The following FSTL4 variants were observed in gnomAD, a reference collection of about 807,000 sequenced individuals.
FSTL4 encodes the protein follistatin-related protein 4.
A neutral mutation model predicts 78.2 loss-of-function variants in FSTL4; 28 were observed. That is an observed-to-expected ratio of 0.36 (90% CI 0.27 to 0.49). The LOEUF is 0.49. Among genes scored for constraint, FSTL4 ranks in the 20% least tolerant of loss-of-function variants. FSTL4 has a pLI of 0.98. For missense variants in FSTL4, 922 were observed against 1,084.9 expected, an observed-to-expected ratio of 0.85 and a Z score of 2.11; for synonymous variants, 422 against 440.5, an observed-to-expected ratio of 0.96 and a Z score of 0.53.
At chr5:133,237,853 CTT>C (rs11355354) in intron 7 of FSTL4, among the ~76,000 whole-genome samples, 193 of 142,230 alleles carry the variant, frequency 1.4e-3, no homozygotes, top group Admixed American at 1.5e-3. Context: ...TTATGGATGG[CTT>C]TTTTTTTTTT....
chr5:133,551,188 C>T (rs1298353896), intron 3 of FSTL4, among the ~76,000 whole-genome samples: 3 of 152,156 alleles, frequency 2.0e-5, no homozygotes, highest in Non-Finnish European at 4.4e-5. Context: ...CCAACAATAC[C>T]ACCAGCTTTG....
intron 3 of FSTL4, among the ~76,000 whole-genome samples, chr5:133,406,143 C>A (rs748036997): frequency 6.6e-6 from 1 of 152,188 alleles, no homozygotes; most frequent in African/African-American, 2.4e-5. Flanking sequence ...GTCAGGGAAG[C>A]CTCTTTGAGG....
chr5:133,658,548 A>G, the FSTL4 span, among the ~76,000 whole-genome samples: 1 of 152,078 alleles, frequency 6.6e-6, no homozygotes, highest in Admixed American at 6.5e-5. Flanking sequence ...TAGTGTCACC[A>G]CAGGCTTATC....
chr5:133,731,722 G>C, the FSTL4 span, among the ~76,000 whole-genome samples: 1 of 152,142 alleles, frequency 6.6e-6, no homozygotes, highest in African/African-American at 2.4e-5. Context: ...CTGCCGGCCG[G>C]CAGTGGGATG....
intron 6 of FSTL4, among the ~76,000 whole-genome samples, chr5:133,265,700 A>G (rs377180521): frequency 1.6e-4 from 24 of 152,276 alleles, no homozygotes; most frequent in Middle Eastern, 6.8e-3. Context: ...CCCTCCCACT[A>G]GGGACCCACA....
the FSTL4 span, among the ~76,000 whole-genome samples, chr5:133,734,382 C>T: frequency 1.3e-5 from 2 of 152,052 alleles, no homozygotes; most frequent in Non-Finnish European, 2.9e-5. Context: ...GAAAAATGCC[C>T]ACATTTTTAC....
chr5:133,567,808 C>T (rs1760060814), intron 2 of FSTL4, among the ~76,000 whole-genome samples: 1 of 152,198 alleles, frequency 6.6e-6, no homozygotes, highest in African/African-American at 2.4e-5. Flanking sequence ...TCAATCCTAT[C>T]TTTATTGATG....
chr5:133,834,030 A>AAATGAAC, the FSTL4 span, among the ~76,000 whole-genome samples: 1 of 152,234 alleles, frequency 6.6e-6, no homozygotes, highest in African/African-American at 2.4e-5. Flanking sequence ...GAAGAAACAC[A>AAATGAAC]AATGAACAAT....
intron 4 of FSTL4, among the ~76,000 whole-genome samples, chr5:133,359,355 GAT>G (rs1252980511): frequency 6.6e-6 from 1 of 152,218 alleles, no homozygotes; most frequent in African/African-American, 2.4e-5. Flanking sequence ...AATTCCTGTG[GAT>G]ATGTGAAGAC....
intron 6 of FSTL4, among the ~76,000 whole-genome samples, chr5:133,299,251 C>T (rs1010704807): frequency 3.3e-5 from 5 of 152,198 alleles, no homozygotes; most frequent in Non-Finnish European, 7.3e-5. Context: ...GGGAGGTGCA[C>T]ACATGAGTGT....
At chr5:133,348,213 T>G (rs1174018750) in intron 4 of FSTL4, among the ~76,000 whole-genome samples, 8 of 152,216 alleles carry the variant, frequency 5.3e-5, no homozygotes, top group Non-Finnish European at 1.2e-4. Flanking sequence ...AGGCTTTTGA[T>G]TTGCAGAAAA....
chr5:133,296,680 C>G (rs1337280961), intron 6 of FSTL4, among the ~76,000 whole-genome samples: 1 of 152,166 alleles, frequency 6.6e-6, no homozygotes, highest in East Asian at 1.9e-4. Flanking sequence ...TTGCCCACCC[C>G]TGCCCTGCCC....
At chr5:133,371,081 A>T (rs1023223472) in intron 4 of FSTL4, among the ~76,000 whole-genome samples, 6 of 152,178 alleles carry the variant, frequency 3.9e-5, no homozygotes, top group African/African-American at 1.4e-4. Context: ...GTTCTGGGCA[A>T]TGCTGGCAAG....
chr5:133,748,584 C>A, the FSTL4 span, among the ~76,000 whole-genome samples: 4 of 152,112 alleles, frequency 2.6e-5, no homozygotes. Context: ...CACACACACA[C>A]AAAATAAGAC....
intron 11 of FSTL4, among the ~76,000 whole-genome samples, chr5:133,221,899 T>TTTTTTGG (rs1561626684): frequency 1.1e-5 from 1 of 90,108 alleles, no homozygotes; most frequent in Admixed American, 9.8e-5. Context: ...TAGTTTTTTT[T>TTTTTTGG]TTTTTTTTTT....
In FSTL4 at chr5:133,354,623, G is replaced by A. The variant is rs531997184; in HGVS notation, c.410-37971C>T. Among the ~76,000 whole-genome samples, 189 of 152,314 alleles carry A rather than the reference G, an allele frequency of 1.2e-3. 2 individuals carry two copies. Among genetic ancestry groups the A allele is most frequent in the African/African-American group, 4.2e-3 (175 of 41,568 alleles). ...CAGAGTTTGAACTCATCCCTCCTGT[G>A]GCCTCAGAGAGTGGGCAAAGGGCGG... On this transcript the variant is annotated intron_variant, in intron 4 of 15. Transcript: ENST00000265342.
At position 133,338,464 on chromosome 5, in the gene FSTL4, C is replaced by G. The variant is rs1230717431; in HGVS notation, c.410-21812G>C. ...CCATGCTTTTCTAGGTTCCCAGAAG[C>G]TGTGGTTCTTTGGGACGTGGAGTGG... On this transcript the variant is annotated intron_variant, in intron 4 of 15. Transcript: ENST00000265342. This position sits in a 1 kb window ranked among gnomAD's most constrained non-coding sequence, Gnocchi z 4.0. Among the ~76,000 whole-genome samples the G allele has an allele frequency of 6.6e-6, 1 of 152,128 alleles. No individual in the cohort carries two copies. Among genetic ancestry groups the G allele is most frequent in the Non-Finnish European group, 1.5e-5 (1 of 68,028 alleles).
intron 4 of FSTL4, among the ~76,000 whole-genome samples, chr5:133,381,407 G>A (rs747995985): frequency 8.5e-5 from 13 of 152,150 alleles, no homozygotes; most frequent in South Asian, 2.1e-4. Flanking sequence ...AAGAACACCC[G>A]CAGCATGGTT....
chr5:133,771,035 GA>G, the FSTL4 span, among the ~76,000 whole-genome samples: 1 of 152,034 alleles, frequency 6.6e-6, no homozygotes, highest in African/African-American at 2.4e-5. Flanking sequence ...TTGATTGTAA[GA>G]GGGTGGCTTT....
Sources: allele counts gnomAD v4.1 joint callset (sites outside exome capture counted in the v4.1 genomes callset), GRCh38; gene constraint gnomAD v4.1.1; non-coding constraint Gnocchi (gnomAD v3.1); transcripts MANE v1.5; gene names NCBI Gene and HGNC (gene_info 2026-07-23, HGNC 2026-07-21).